Variants in GNA12 observed in about 807,000 individuals in gnomAD.
The protein encoded by GNA12 is G protein subunit alpha 12.
A neutral mutation model predicts 26.0 loss-of-function variants in GNA12; 9 were observed. That is an observed-to-expected ratio of 0.35 (90% CI 0.21 to 0.60). The LOEUF is 0.60. GNA12 is among the 20% of genes least tolerant of loss of function. The pLI, the probability that GNA12 is intolerant of heterozygous loss-of-function variation, is 0.78. For missense variants in GNA12, 405 were observed against 525.8 expected (o/e 0.77, Z 2.25); for synonymous variants, 264 against 219.6 (o/e 1.20, Z -1.79).
intron 1 of GNA12, among the ~76,000 whole-genome samples, chr7:2,800,704 A>G (rs1246929520): frequency 1.3e-5 from 2 of 152,198 alleles, no homozygotes; most frequent in Non-Finnish European, 2.9e-5. Context: ...TAAAACCCTA[A>G]CTGGAGGTGG....
chr7:2,802,668 G>A (rs149604371), intron 1 of GNA12, among the ~76,000 whole-genome samples: 137 of 152,278 alleles, frequency 9.0e-4, no homozygotes, highest in African/African-American at 3.3e-3. Context: ...AACAGCATGT[G>A]GACTTGGAAA....
At chr7:2,759,140 A>AAAATAAATAAAT (rs3074427) in intron 2 of GNA12, among the ~76,000 whole-genome samples, 13 of 144,766 alleles carry the variant, frequency 9.0e-5, no homozygotes, top group Admixed American at 2.8e-4. Flanking sequence ...ACACTGTCTC[A>AAAATAAATAAAT]AAATAAATAA....
At chr7:2,826,809 T>A (rs915710592) in intron 1 of GNA12, among the ~76,000 whole-genome samples, 10 of 152,018 alleles carry the variant, frequency 6.6e-5, no homozygotes, top group Admixed American at 2.6e-4. Flanking sequence ...GATGAACAGG[T>A]AGAACAAGGA....
chr7:2,738,803 T>G (rs1336848619), intron 2 of GNA12, among the ~76,000 whole-genome samples: 1 of 152,218 alleles, frequency 6.6e-6, no homozygotes, highest in Non-Finnish European at 1.5e-5. Flanking sequence ...AGGCGGAACC[T>G]AGAATTCTGG....
chr7:2,821,029 C>A (rs954164581), intron 1 of GNA12, among the ~76,000 whole-genome samples: 1 of 152,220 alleles, frequency 6.6e-6, no homozygotes, highest in Admixed American at 6.5e-5. Flanking sequence ...CGTGAGCCAC[C>A]GCGCCCGGCC....
intron 2 of GNA12, among the ~76,000 whole-genome samples, chr7:2,754,183 C>T (rs913996303): frequency 1.3e-5 from 2 of 152,192 alleles, no homozygotes; most frequent in Non-Finnish European, 2.9e-5. Flanking sequence ...GTAGTGCTAG[C>T]TCACAGCAGT....
At chr7:2,812,042 A>T (rs973795479) in intron 1 of GNA12, among the ~76,000 whole-genome samples, 1 of 152,162 alleles carries the variant, frequency 6.6e-6, no homozygotes, top group Non-Finnish European at 1.5e-5. Context: ...ACTCAAGAGA[A>T]CCCGCGTTTC....
intron 2 of GNA12, among the ~76,000 whole-genome samples, chr7:2,758,911 G>A (rs1051672870): frequency 9.2e-5 from 14 of 152,092 alleles, no homozygotes; most frequent in Admixed American, 3.9e-4. Context: ...CTGGGAGGCC[G>A]AGGTGGATCA....
chr7:2,816,208 G>A lies in GNA12; in HGVS notation c.310-21065C>T, dbSNP rs142389273. ...AAACCAGATCTTCACGCACCCCCATGGACAGCACGCACATGTGCTGCTCAC... is the reference window on the plus strand; with the variant it reads ...AAACCAGATCTTCACGCACCCCCATAGACAGCACGCACATGTGCTGCTCAC... On this transcript the variant is annotated intron_variant, in intron 1 of 3. Transcript: ENST00000275364. Among the ~76,000 whole-genome samples the A allele has an allele frequency of 5.7e-4, 86 of 151,978 alleles. No homozygotes were observed. In the East Asian group the frequency reaches 0.015, roughly 27 times the overall value.
intron 1 of GNA12, among the ~76,000 whole-genome samples, chr7:2,795,675 C>G (rs1377253118): frequency 6.6e-6 from 1 of 150,834 alleles, no homozygotes; most frequent in Non-Finnish European, 1.5e-5. Flanking sequence ...AACAGATGTA[C>G]ATAAGCACCA....
chr7:2,758,996 G>A (rs1357069619), intron 2 of GNA12, among the ~76,000 whole-genome samples: 6 of 151,714 alleles, frequency 4.0e-5, no homozygotes, highest in Non-Finnish European at 7.4e-5. Flanking sequence ...AAAAACTAGC[G>A]GGGCGTGGTG....
chr7:2,744,692 A>G (rs912642789), intron 2 of GNA12, among the ~76,000 whole-genome samples: 1 of 152,218 alleles, frequency 6.6e-6, no homozygotes, highest in Non-Finnish European at 1.5e-5. Context: ...GAGTTGAGAA[A>G]AGAAGGCTTC....
At chr7:2,755,627 A>C (rs1484437246) in intron 2 of GNA12, among the ~76,000 whole-genome samples, 2 of 152,204 alleles carry the variant, frequency 1.3e-5, no homozygotes, top group African/African-American at 4.8e-5. Flanking sequence ...CTGACTCATT[A>C]GTCTATGACT....
chr7:2,807,422 G>A (rs926191439), intron 1 of GNA12, among the ~76,000 whole-genome samples: 7 of 151,936 alleles, frequency 4.6e-5, no homozygotes, highest in South Asian at 2.1e-4. Context: ...CCAATAAAAC[G>A]TTTCATGAAG....
chr7:2,818,657 A>G (rs1793270507), intron 1 of GNA12, among the ~76,000 whole-genome samples: 1 of 151,502 alleles, frequency 6.6e-6, no homozygotes, highest in Non-Finnish European at 1.5e-5. Context: ...CAGCTCCTCA[A>G]GTGGCTGAGG....
intron 1 of GNA12, chr7:2,835,899 T>G: frequency 1.8e-6 from 1 of 549,810 alleles, no homozygotes; most frequent in Non-Finnish European, 3.5e-6. Flanking sequence ...CAAATAAAAA[T>G]TTGCAAGAAG....
chr7:2,746,148 T>C (rs58095489), intron 2 of GNA12, among the ~76,000 whole-genome samples: 33 of 152,220 alleles, frequency 2.2e-4, no homozygotes, highest in African/African-American at 6.7e-4. Flanking sequence ...AGGAATTGAA[T>C]TCAGCTCTGC....
At chr7:2,741,391 G>A (rs151294135) in intron 2 of GNA12, among the ~76,000 whole-genome samples, 2 of 152,216 alleles carry the variant, frequency 1.3e-5, no homozygotes, top group African/African-American at 4.8e-5. Flanking sequence ...ACAGGGCTAG[G>A]GGTGGGGAGA....
In GNA12 at chr7:2,789,618, G is replaced by A. The variant is rs535504562; in HGVS notation, c.525+5310C>T. On this transcript the variant is annotated intron_variant, in intron 2 of 3. Transcript: ENST00000275364. ...GAGACCTGCCTGCACCCACCTTACA[G>A]CACACAGACCGGGTGGCAACATCCC... Among the ~76,000 whole-genome samples, 3 of 152,148 alleles carry A rather than the reference G, an allele frequency of 2.0e-5. No individual in the cohort carries two copies. The East Asian group carries it at 5.8e-4, about 29-fold the overall frequency.
Sources: allele counts gnomAD v4.1 joint callset (sites outside exome capture counted in the v4.1 genomes callset), GRCh38; gene constraint gnomAD v4.1.1; transcripts MANE v1.5; gene names NCBI Gene and HGNC (gene_info 2026-07-23, HGNC 2026-07-21).